Variants in MIPEP observed in about 807,000 individuals in gnomAD.
MIPEP encodes mitochondrial intermediate peptidase.
MIPEP carries 79 observed loss-of-function variants against 90.3 expected under a neutral mutation model. The ratio of observed to expected loss-of-function variants is 0.87; its 90% CI spans 0.73 to 1.05. The LOEUF is 1.05. MIPEP is among the 50% of genes least tolerant of loss of function. MIPEP has a pLI of 0.00. For synonymous variants in MIPEP, 334 were observed against 315.8 expected (o/e 1.06, Z -0.61); for missense variants, 940 against 905.6 (o/e 1.04, Z -0.49).
chr13:23,830,224 A>C (rs1868671108), intron 14 of MIPEP, among the ~76,000 whole-genome samples: 1 of 152,232 alleles, frequency 6.6e-6, no homozygotes, highest in African/African-American at 2.4e-5. Flanking sequence ...AAATGATGGA[A>C]TATTATCTGC....
intron 10 of MIPEP, among the ~76,000 whole-genome samples, chr13:23,846,617 A>C (rs1031343117): frequency 6.6e-6 from 1 of 152,232 alleles, no homozygotes; most frequent in Non-Finnish European, 1.5e-5. Flanking sequence ...AATTTTACAG[A>C]ATAGTTTAAA....
intron 18 of MIPEP, among the ~76,000 whole-genome samples, chr13:23,731,339 A>G (rs534839601): frequency 6.6e-6 from 1 of 152,354 alleles, no homozygotes; most frequent in East Asian, 1.9e-4. Context: ...TGAAGGAAGC[A>G]TCTGTTGTGT....
intron 15 of MIPEP, among the ~76,000 whole-genome samples, chr13:23,808,883 C>A (rs1187396496): frequency 6.6e-6 from 1 of 152,182 alleles, no homozygotes; most frequent in Non-Finnish European, 1.5e-5. Context: ...CTTCTAGGGA[C>A]TGAATTTTAC....
At chr13:23,812,130 C>A (rs1953178565) in intron 14 of MIPEP, among the ~76,000 whole-genome samples, 1 of 152,066 alleles carries the variant, frequency 6.6e-6, no homozygotes, top group East Asian at 1.9e-4. Flanking sequence ...AGGTGTCTGC[C>A]CCCAAAACTT....
At chr13:23,813,593 T>C (rs1369495442) in intron 14 of MIPEP, among the ~76,000 whole-genome samples, 3 of 152,138 alleles carry the variant, frequency 2.0e-5, no homozygotes, top group Admixed American at 2.0e-4. Context: ...TAAAAAAATA[T>C]AAAATATACC....
chr13:23,886,437 T>G lies in MIPEP; in HGVS notation c.259A>C (p.Lys87Gln). ...GCACGGTCCACAAGCAATTCTGTCT[T>G]TCTCAAGGCTTTTTCTTGTGCAATA... ...FHIAQEKALR[K>Q]TELLVDRACS... The change falls in exon 2 of 19, where the codon AAG becomes CAG. Residue 87 changes from lysine (K) to glutamine (Q), a missense_variant. By Grantham distance (53) the Lys-to-Gln change is moderately conservative (BLOSUM62 1). Coordinates refer to ENST00000382172, the MANE Select transcript of MIPEP (RefSeq NM_005932.4). 1 of 1,607,848 alleles carries G rather than the reference T, an allele frequency of 6.2e-7. No homozygotes were observed. The highest frequency in any genetic ancestry group is 8.5e-7 in the Non-Finnish European group (1 of 1,176,668).
chr13:23,857,039 A>C (rs928654830), intron 10 of MIPEP, among the ~76,000 whole-genome samples: 1 of 152,050 alleles, frequency 6.6e-6, no homozygotes, highest in African/African-American at 2.4e-5. Context: ...TTACTCTCCA[A>C]TGTCAAAAAT....
At chr13:23,827,122 C>T (rs115533546) in intron 14 of MIPEP, among the ~76,000 whole-genome samples, 2,631 of 151,672 alleles carry the variant, frequency 0.017, 68 homozygotes, top group African/African-American at 0.058. Flanking sequence ...TTGGTAGCCA[C>T]GTTGGCGGGG....
chr13:23,773,405 T>G (rs1952675141), intron 16 of MIPEP, among the ~76,000 whole-genome samples: 2 of 152,256 alleles, frequency 1.3e-5, no homozygotes, highest in African/African-American at 2.4e-5. Context: ...TGAATAATGC[T>G]GTTATGTACA....
chr13:23,806,183 A>T (rs1195045172), intron 15 of MIPEP, 114 bp from the exon 16 acceptor site: 12 of 1,055,918 alleles, frequency 1.1e-5, no homozygotes, highest in Non-Finnish European at 1.7e-5. Flanking sequence ...ACAGTTGAAA[A>T]CAGTCACAAA....
chr13:23,837,774 CAT>C lies in MIPEP; in HGVS notation c.1339-20_1339-19del, dbSNP rs762863963. On this transcript the variant is annotated intron_variant, in intron 12 of 18. Coordinates refer to ENST00000382172, the MANE Select transcript of MIPEP (RefSeq NM_005932.4). Reference sequence around the variant, plus strand: ...TGGCAATCCTTTAAGAATCAGAAAACATAAAAGGAAAAGAAAGTATTTGGTAA... The same window carrying C: ...TGGCAATCCTTTAAGAATCAGAAAACAAAAGGAAAAGAAAGTATTTGGTAA... The C allele has an allele frequency of 3.8e-6, 6 of 1,578,496 alleles. No homozygotes were observed. Among genetic ancestry groups the C allele is most frequent in the South Asian group, 1.1e-5 (1 of 90,208 alleles).
chr13:23,816,316 A>G (rs1953237412), intron 14 of MIPEP, among the ~76,000 whole-genome samples: 1 of 152,088 alleles, frequency 6.6e-6, no homozygotes, highest in Non-Finnish European at 1.5e-5. Context: ...ATTGTCCCAG[A>G]GTTCTTGGAT....
intron 18 of MIPEP, among the ~76,000 whole-genome samples, chr13:23,755,052 C>A (rs975595587): frequency 1.3e-5 from 2 of 152,156 alleles, no homozygotes; most frequent in African/African-American, 4.8e-5. Flanking sequence ...GATCATAACT[C>A]CTACCTCATA....
chr13:23,798,656 C>T (rs1049134943), intron 16 of MIPEP, among the ~76,000 whole-genome samples: 1 of 152,126 alleles, frequency 6.6e-6, no homozygotes, highest in East Asian at 1.9e-4. Context: ...ACACTATCCC[C>T]GTTGGTGCTG....
At chr13:23,835,230 A>C in intron 14 of MIPEP, among the ~76,000 whole-genome samples, 1 of 152,018 alleles carries the variant, frequency 6.6e-6, no homozygotes, top group East Asian at 1.9e-4. Context: ...AATGTAGCCC[A>C]GGCTGGTCTC....
intron 18 of MIPEP, among the ~76,000 whole-genome samples, chr13:23,742,961 G>A (rs912924797): frequency 2.0e-5 from 3 of 152,094 alleles, no homozygotes; most frequent in Non-Finnish European, 1.5e-5. Context: ...AAATGGTATG[G>A]CATGTATATT....
intron 18 of MIPEP, among the ~76,000 whole-genome samples, chr13:23,742,050 T>C (rs1277780410): frequency 6.6e-6 from 1 of 152,202 alleles, no homozygotes. Flanking sequence ...GGGGCCTTGC[T>C]GGTCAGCAGA....
chr13:23,834,153 C>CCCGGAG (rs1169841720), intron 14 of MIPEP, among the ~76,000 whole-genome samples: 1 of 152,142 alleles, frequency 6.6e-6, no homozygotes, highest in African/African-American at 2.4e-5. Context: ...GGGCCGAGCC[C>CCCGGAG]CCGGAGCCGG....
chr13:23,788,417 G>T (rs1018642137), intron 16 of MIPEP, among the ~76,000 whole-genome samples: 1 of 152,164 alleles, frequency 6.6e-6, no homozygotes, highest in Non-Finnish European at 1.5e-5. Context: ...CAGTATTTAG[G>T]AACCCATGTT....
Sources: allele counts gnomAD v4.1 joint callset (sites outside exome capture counted in the v4.1 genomes callset), GRCh38; gene constraint gnomAD v4.1.1; transcripts MANE v1.5; gene names NCBI Gene and HGNC (gene_info 2026-07-23, HGNC 2026-07-21).